Variants in HTR4 observed in about 807,000 individuals in gnomAD.
HTR4 encodes 5-hydroxytryptamine receptor 4.
A neutral mutation model predicts 36.8 loss-of-function variants in HTR4; 16 were observed. That is an observed-to-expected ratio of 0.43 (90% CI 0.29 to 0.66). HTR4 has a LOEUF of 0.66. Among genes scored for constraint, HTR4 ranks in the 30% least tolerant of loss-of-function variants. HTR4 has a pLI of 0.13. For missense variants in HTR4, 438 were observed against 490.9 expected, an observed-to-expected ratio of 0.89 and a Z score of 1.02; for synonymous variants, 189 against 185.1, an observed-to-expected ratio of 1.02 and a Z score of -0.17.
intron 2 of HTR4, among the ~76,000 whole-genome samples, chr5:148,576,106 G>A (rs1234655681): frequency 5.5e-3 from 147 of 26,786 alleles, no homozygotes; most frequent in African/African-American, 0.042. Flanking sequence ...GCGAGACTCC[G>A]TCTCAAAAAA....
intron 1 of HTR4, among the ~76,000 whole-genome samples, 169 bp downstream of exon 1, chr5:148,653,893 C>T (rs547023361): frequency 5.3e-5 from 8 of 152,224 alleles, no homozygotes; most frequent in African/African-American, 1.9e-4. Flanking sequence ...ACCAGCCAGC[C>T]CACCTACACC....
At chr5:148,469,207 T>G (rs1170595798) in intron 5 of HTR4, among the ~76,000 whole-genome samples, 2 of 152,152 alleles carry the variant, frequency 1.3e-5, no homozygotes, top group Non-Finnish European at 2.9e-5. Context: ...TTAAAAAAAA[T>G]CTGAGCTAAA....
chr5:148,645,088 G>GA lies in HTR4; in HGVS notation c.-47-8028dup, dbSNP rs1446248513. 4 of 152,254 alleles carry GA rather than the reference G, an allele frequency of 2.6e-5. No individual in the cohort carries two copies. In the South Asian group the frequency reaches 6.2e-4, roughly 24 times the overall value. 9.4% of individuals were successfully genotyped at this position (152,254 alleles called of 1,614,324 possible). The stretch of plus-strand genomic sequence containing the variant: ...TTTAAGGAAAATTAATTGATCTAAA[G>GA]AAAAATGTCACACAGTTAATGTTCC... On this transcript the variant is annotated intron_variant, in intron 1 of 6. Coordinates refer to ENST00000377888, the MANE Select transcript of HTR4 (RefSeq NM_000870.7).
At chr5:148,571,559 T>C (rs1041966049) in intron 2 of HTR4, among the ~76,000 whole-genome samples, 1 of 152,096 alleles carries the variant, frequency 6.6e-6, no homozygotes, top group African/African-American at 2.4e-5. Flanking sequence ...TAAAGGGGTA[T>C]TACAAGCTAT....
intron 2 of HTR4, among the ~76,000 whole-genome samples, chr5:148,554,355 A>G (rs1759835597): frequency 6.6e-6 from 1 of 152,136 alleles, no homozygotes; most frequent in African/African-American, 2.4e-5. Context: ...GATTACAGGC[A>G]TGAGCCACCG....
At chr5:148,561,726 T>C (rs1760222447) in intron 2 of HTR4, among the ~76,000 whole-genome samples, 1 of 152,172 alleles carries the variant, frequency 6.6e-6, no homozygotes, top group African/African-American at 2.4e-5. Flanking sequence ...AATATTCGGC[T>C]GATCATTTCC....
At chr5:148,607,612 A>T (rs1752234859) in intron 2 of HTR4, among the ~76,000 whole-genome samples, 1 of 152,152 alleles carries the variant, frequency 6.6e-6, no homozygotes, top group Non-Finnish European at 1.5e-5. Context: ...GCCTCCAGAG[A>T]TGGAGCATGT....
chr5:148,575,683 A>C (rs1197994524), intron 2 of HTR4, among the ~76,000 whole-genome samples: 1 of 152,146 alleles, frequency 6.6e-6, no homozygotes, highest in Non-Finnish European at 1.5e-5. Context: ...TAATAGAATA[A>C]TCAAAAAATA....
intron 1 of HTR4, among the ~76,000 whole-genome samples, chr5:148,650,168 TG>T (rs1753992971): frequency 6.6e-6 from 1 of 152,240 alleles, no homozygotes; most frequent in Non-Finnish European, 1.5e-5. Context: ...ATTTATCCTT[TG>T]TGTTACAAAC....
intron 1 of HTR4, among the ~76,000 whole-genome samples, chr5:148,648,307 A>G (rs547428455): frequency 6.6e-6 from 1 of 152,024 alleles, no homozygotes; most frequent in South Asian, 2.1e-4. Context: ...ATGGGATACA[A>G]TCTGTGAGTT....
chr5:148,523,063 A>T lies in HTR4; in HGVS notation c.507+130T>A, dbSNP rs936905090. ...GTAAGCATTCAAAAGTGTTAGCTTT[A>T]AAAAAAAAAATTATCACCCAGACCA... On this transcript the variant is annotated intron_variant, in intron 5 of 6. Coordinates refer to ENST00000377888, the MANE Select transcript of HTR4 (RefSeq NM_000870.7). The T allele has an allele frequency of 2.6e-4, 135 of 518,820 alleles. 1 individual carries two copies. The highest frequency in any genetic ancestry group is 6.6e-4 in the South Asian group (18 of 27,114). 32.1% of individuals were successfully genotyped at this position (518,820 alleles called of 1,614,324 possible). A position where few individuals can be genotyped will look rare whatever the true frequency, so the allele number is the denominator to read the frequency against.
In HTR4 at chr5:148,548,792, C is replaced by G. The variant is rs765220562; in HGVS notation, c.229G>C (p.Gly77Arg). The G allele has an allele frequency of 3.1e-6, 5 of 1,614,024 alleles. No individual in the cohort carries two copies. The highest frequency in any genetic ancestry group is 3.4e-6 in the Non-Finnish European group (4 of 1,179,986). The change falls in exon 4 of 7, where the codon GGT (glycine) becomes CGT (arginine). Residue 77 changes from glycine (G) to arginine (R), a missense_variant. Gly to Arg is a moderately radical substitution (Grantham distance 125). Coordinates refer to ENST00000377888, the MANE Select transcript of HTR4 (RefSeq NM_000870.7). ...LLVSVLVMPF[G>R]AIELVQDIWI... ...ATGTCTTGAACCAGCTCAATGGCACCAAAGGGCATCACCAGCACCGAAACC... is the reference window on the plus strand; with the variant it reads ...ATGTCTTGAACCAGCTCAATGGCACGAAAGGGCATCACCAGCACCGAAACC...
At chr5:148,474,397 C>T (rs141681020), downstream of HTR4, among the ~76,000 whole-genome samples, 90 of 152,224 alleles carry the variant, frequency 5.9e-4, 2 homozygotes, top group East Asian at 0.017. Flanking sequence ...ATATGGGTCC[C>T]TATTTGTACC....
At chr5:148,536,628 A>G (rs1217596606) in intron 4 of HTR4, among the ~76,000 whole-genome samples, 2 of 152,216 alleles carry the variant, frequency 1.3e-5, no homozygotes, top group African/African-American at 4.8e-5. Context: ...ACTAACAAAG[A>G]TCAAAAAGCA....
At chr5:148,476,964 G>A (rs1174276512), downstream of HTR4, among the ~76,000 whole-genome samples, 1 of 152,194 alleles carries the variant, frequency 6.6e-6, no homozygotes, top group Non-Finnish European at 1.5e-5. Context: ...AGAACGGCAG[G>A]AGTAGTAGCT....
chr5:148,528,180 T>C (rs1051914740), intron 4 of HTR4, among the ~76,000 whole-genome samples: 3 of 152,198 alleles, frequency 2.0e-5, no homozygotes, highest in Non-Finnish European at 4.4e-5. Context: ...TTAGGTAGAT[T>C]GTTAGTGACA....
chr5:148,594,230 T>C (rs903810093), intron 2 of HTR4, among the ~76,000 whole-genome samples: 2 of 152,108 alleles, frequency 1.3e-5, no homozygotes, highest in African/African-American at 4.8e-5. Context: ...GGTAAATGCT[T>C]GTCTTAAGTG....
At chr5:148,605,320 G>A (rs149384928) in intron 2 of HTR4, among the ~76,000 whole-genome samples, 2,390 of 140,506 alleles carry the variant, frequency 0.017, 117 homozygotes, top group East Asian at 0.12. Context: ...GTGCAATGGC[G>A]TGATCTCGGC....
At chr5:148,579,755 G>C (rs763427344) in intron 2 of HTR4, among the ~76,000 whole-genome samples, 2 of 152,018 alleles carry the variant, frequency 1.3e-5, no homozygotes, top group Non-Finnish European at 2.9e-5. Context: ...TGCAGCTCCA[G>C]CAGCAGCCCA....
Sources: gnomAD v4.1 joint callset for allele counts (sites outside exome capture counted in the v4.1 genomes callset) on GRCh38, gnomAD v4.1.1 for gene constraint, MANE v1.5 for transcripts, NCBI Gene and HGNC (gene_info 2026-07-23, HGNC 2026-07-21) for gene names.